Variants in ME2 observed in about 807,000 individuals in gnomAD.
ME2 encodes the protein malic enzyme 2, also known as NAD-dependent malic enzyme, mitochondrial.
ME2 carries 60 observed loss-of-function variants against 73.7 expected under a neutral mutation model. That is an observed-to-expected ratio of 0.81 (90% CI 0.66 to 1.01). ME2 has a LOEUF of 1.01. ME2 is among the 50% of genes least tolerant of loss of function. The pLI is 0.00. For synonymous variants in ME2, 199 were observed against 236.9 expected, an observed-to-expected ratio of 0.84 and a Z score of 1.47; for missense variants, 594 against 705.5, an observed-to-expected ratio of 0.84 and a Z score of 1.79.
In ME2 at chr18:50,950,447, G is replaced by A. The variant is rs1918196172; in HGVS notation, c.*3263G>A. 1 of 142,342 alleles carries A rather than the reference G, an allele frequency of 7.0e-6. No homozygotes were observed. Among genetic ancestry groups the A allele is most frequent in the South Asian group, 2.4e-4 (1 of 4,226 alleles). The allele number at this position is 142,342 out of a possible 1,614,324, so 8.8% of individuals were successfully genotyped here. ...TTCTGATGCTGATGCATAGGGCCTG[G>A]GGTGGGGCCTCAGATTCTGCTTTTT... On this transcript the variant is annotated 3_prime_UTR_variant, in exon 16 of 16. Transcript: ENST00000321341.
rs531672033 is a variant in ME2, at chr18:50,947,323, G to A, written c.*139G>A. 3.2e-4 allele frequency: 242 copies of A among 761,798 alleles called. 1 individual carries two copies. The highest frequency in any genetic ancestry group is 2.9e-3 in the African/African-American group (165 of 56,982). 47.2% of individuals were successfully genotyped at this position (761,798 alleles called of 1,614,324 possible). ...TTTGGTTGATGTATTTTTTCCATGCGTCTCCACATCTGTTGGGGTAGACGT... is the reference window on the plus strand; with the variant it reads ...TTTGGTTGATGTATTTTTTCCATGCATCTCCACATCTGTTGGGGTAGACGT... On this transcript the variant is annotated 3_prime_UTR_variant, in exon 16 of 16. Transcript: ENST00000321341.
At chr18:50,882,663 A>G (rs1243174493) in intron 1 of ME2, among the ~76,000 whole-genome samples, 2 of 152,132 alleles carry the variant, frequency 1.3e-5, no homozygotes, top group Non-Finnish European at 2.9e-5. Flanking sequence ...CACTACTGCA[A>G]TCTGGTCAGG....
chr18:50,900,206 G>T (rs1916852541), intron 2 of ME2, among the ~76,000 whole-genome samples: 1 of 151,438 alleles, frequency 6.6e-6, no homozygotes, highest in Admixed American at 6.6e-5. Context: ...CTTAAAAATT[G>T]AGTGATGCAG....
intron 1 of ME2, among the ~76,000 whole-genome samples, chr18:50,885,172 G>A (rs949698561): frequency 1.3e-5 from 2 of 152,136 alleles, no homozygotes; most frequent in Non-Finnish European, 2.9e-5. Context: ...TTTAACTGTA[G>A]TAAATAATGC....
chr18:50,911,614 C>T (rs1000584235), intron 3 of ME2, among the ~76,000 whole-genome samples: 1 of 151,994 alleles, frequency 6.6e-6, no homozygotes, highest in South Asian at 2.1e-4. Context: ...CCAGAGAGCA[C>T]GCCACCTGAG....
rs1324026176 is a variant in ME2, at chr18:50,890,851, T to C, written c.-12-4958T>C. On this transcript the variant is annotated intron_variant, in intron 1 of 15. Coordinates refer to ENST00000321341, the MANE Select transcript of ME2 (RefSeq NM_002396.5). ...CCAGGTACAGAGTTCTGGACAGAGC[T>C]ATTACGACTACGTCTGGAGGACCCA... 2.6e-5 allele frequency among the ~76,000 whole-genome samples: 4 copies of C among 152,214 alleles called. No homozygotes were observed. In the East Asian group the frequency reaches 7.7e-4, roughly 29 times the overall value.
chr18:50,931,374 ATT>A, intron 12 of ME2, among the ~76,000 whole-genome samples: 1 of 152,228 alleles, frequency 6.6e-6, no homozygotes, highest in Non-Finnish European at 1.5e-5. Flanking sequence ...AAAAATCTAG[ATT>A]AAGATTTAAC....
intron 1 of ME2, among the ~76,000 whole-genome samples, chr18:50,892,005 G>T (rs1916616336): frequency 6.6e-6 from 1 of 150,510 alleles, no homozygotes; most frequent in Non-Finnish European, 1.5e-5. Context: ...TTTTTTGGTA[G>T]AGATGGAGTT....
At chr18:50,943,235 A>G (rs181619581) in intron 15 of ME2, among the ~76,000 whole-genome samples, 5 of 152,292 alleles carry the variant, frequency 3.3e-5, no homozygotes, top group Non-Finnish European at 7.4e-5. Context: ...TTTATCAGCC[A>G]CAATTTCAAC....
Position 50,949,395 on chromosome 18 carries a change from T to G in ME2, c.*2211T>G, listed in dbSNP as rs1010292629. ...GGAGGGCGGTGGCTGTTCACAGGCG[T>G]GGGTCATAGAGCACTGCAGCCTGGA... On this transcript the variant is annotated 3_prime_UTR_variant, in exon 16 of 16. Transcript: ENST00000321341. 2.0e-5 allele frequency: 3 copies of G among 152,246 alleles called. No individual in the cohort carries two copies. The highest frequency in any genetic ancestry group is 6.5e-5 in the Admixed American group (1 of 15,270). The allele number at this position is 152,246 out of a possible 1,614,324, so 9.4% of individuals were successfully genotyped here. A position where few individuals can be genotyped will look rare whatever the true frequency, so the allele number is the denominator to read the frequency against.
intron 15 of ME2, among the ~76,000 whole-genome samples, chr18:50,945,505 G>A (rs1373307282): frequency 6.6e-6 from 1 of 152,078 alleles, no homozygotes; most frequent in Non-Finnish European, 1.5e-5. Context: ...TTCCTAGTCA[G>A]TGATAATAAA....
intron 12 of ME2, among the ~76,000 whole-genome samples, chr18:50,931,556 T>C (rs1009973311): frequency 6.6e-6 from 1 of 152,242 alleles, no homozygotes. Context: ...TTAGCGGATA[T>C]ATAGTAAATG....
At position 50,917,353 on chromosome 18, in the gene ME2, G is replaced by A. The variant is rs996085605; in HGVS notation, c.475G>A (p.Val159Ile). ...GCATTTTTTTGTGATTAAGGCTGTTGTAGTGACTGATGGAGAGAGAATTCT... is the reference window on the plus strand; with the variant it reads ...GCATTTTTTTGTGATTAAGGCTGTTATAGTGACTGATGGAGAGAGAATTCT... ...NWPENHVKAV[V>I]VTDGERILGL... Residue 159 changes from valine to isoleucine, a missense_variant, in exon 6 of 16, where the codon GTA becomes ATA. By Grantham distance (29) the Val-to-Ile change is conservative. Transcript: ENST00000321341. The A allele has an allele frequency of 2.5e-6, 4 of 1,612,414 alleles. No homozygotes were observed. The highest frequency in any genetic ancestry group is 1.7e-5 in the Admixed American group (1 of 59,914).
In ME2 at chr18:50,912,825, A is replaced by G. The variant is rs766859517; in HGVS notation, c.267A>G (p.Gln89=). The change falls in exon 4 of 16, where the codon CAA becomes CAG. Residue 89 remains glutamine, a synonymous_variant. Coordinates refer to ENST00000321341, the MANE Select transcript of ME2 (RefSeq NM_002396.5). The part of the protein sequence containing the change: ...LEKYIYIMGI[Q]ERNEKLFYRI... Reference sequence around the variant, plus strand: ...GATATATCTACATAATGGGAATACAAGAAAGAAATGAGAAATTGTTTTATA... The same window carrying G: ...GATATATCTACATAATGGGAATACAGGAAAGAAATGAGAAATTGTTTTATA... 2 of 1,601,012 alleles carry G rather than the reference A, an allele frequency of 1.2e-6. No individual in the cohort carries two copies.
intron 11 of ME2, among the ~76,000 whole-genome samples, chr18:50,925,205 A>G (rs1917521302): frequency 6.6e-6 from 1 of 152,138 alleles, no homozygotes; most frequent in South Asian, 2.1e-4. Flanking sequence ...TTGGTTGGGC[A>G]TGGTGGCTCA....
Position 50,917,498 on chromosome 18 carries a change from C to G in ME2, c.620C>G (p.Thr207Ser), listed in dbSNP as rs1471648657. Residue 207 changes from threonine (T) to serine (S), a missense_variant, in exon 6 of 16, where the codon ACT becomes AGT. Coordinates refer to ENST00000321341, the MANE Select transcript of ME2 (RefSeq NM_002396.5). ...RCLPVCIDVG[T>S]DNIALLKDPF... ...CTGCCAGTGTGTATTGATGTGGGAA[C>G]TGATAATATCGTGAGTAACATCATT... The G allele has an allele frequency of 6.3e-7, 1 of 1,597,800 alleles. No homozygotes were observed. Among genetic ancestry groups the G allele is most frequent in the East Asian group, 2.2e-5 (1 of 44,746 alleles).
chr18:50,923,435 C>G (rs114398267), intron 10 of ME2, among the ~76,000 whole-genome samples: 2 of 152,176 alleles, frequency 1.3e-5, no homozygotes, highest in African/African-American at 4.8e-5. Context: ...ATTTGATATA[C>G]GCCATATTGT....
intron 5 of ME2, chr18:50,916,462 A>G: frequency 7.2e-6 from 3 of 417,556 alleles, no homozygotes; most frequent in Admixed American, 8.6e-5. Flanking sequence ...GAGCTAGAAT[A>G]CAAGGTGAGC....
chr18:50,939,139 A>G lies in ME2; in HGVS notation c.1418-431A>G, dbSNP rs200883330. On this transcript the variant is annotated intron_variant, in intron 13 of 15. Coordinates refer to ENST00000321341, the MANE Select transcript of ME2 (RefSeq NM_002396.5). Reference sequence around the variant, plus strand: ...ACAATAAGAGAAGGCAAAAAAAAAAAGAAAAAAAAAAAGAGAGAGAGAGAG... The same window carrying G: ...ACAATAAGAGAAGGCAAAAAAAAAAGGAAAAAAAAAAAGAGAGAGAGAGAG... 622 of 113,726 alleles carry G rather than the reference A, an allele frequency of 5.5e-3. 9 individuals carry two copies. The East Asian group carries it at 0.069, about 13-fold the overall frequency. The allele number at this position is 113,726 out of a possible 1,614,324, so 7.0% of individuals were successfully genotyped here.
Sources: gnomAD v4.1 joint callset for allele counts (sites outside exome capture counted in the v4.1 genomes callset) on GRCh38, gnomAD v4.1.1 for gene constraint, MANE v1.5 for transcripts, NCBI Gene and HGNC (gene_info 2026-07-23, HGNC 2026-07-21) for gene names.